Variants in XPO7 observed in about 807,000 individuals in gnomAD.
XPO7 encodes the protein exportin 7, also known as exportin-7.
Under a neutral mutation model 144.3 loss-of-function variants are expected in XPO7, and 21 were observed. The observed-to-expected ratio is 0.15, with a 90% CI of 0.10 to 0.21. The LOEUF (loss-of-function observed/expected upper bound fraction) is 0.21, where lower values mean the gene tolerates loss of function less well. XPO7 is among the 10% of genes least tolerant of loss of function. XPO7 has a pLI of 1.00. For synonymous variants in XPO7, 580 were observed against 499.6 expected (o/e 1.16, Z -2.15); for missense variants, 808 against 1,325.8 (o/e 0.61, Z 6.06).
At chr8:21,990,983 G>A in intron 18 of XPO7, 64 bp downstream of exon 18, 2 of 1,456,550 alleles carry the variant, frequency 1.4e-6, no homozygotes, top group Non-Finnish European at 9.6e-7. Context: ...TTTATTTGAG[G>A]ACTGAAAACT....
At chr8:21,936,074 CT>C (rs1264532483) in intron 1 of XPO7, among the ~76,000 whole-genome samples, 2 of 152,176 alleles carry the variant, frequency 1.3e-5, no homozygotes, top group African/African-American at 4.8e-5. Context: ...CTCTTACCAC[CT>C]ATCAGACAAT....
chr8:22,001,490 G>A (rs891776739), intron 24 of XPO7, among the ~76,000 whole-genome samples: 2 of 152,094 alleles, frequency 1.3e-5, no homozygotes, highest in African/African-American at 4.8e-5. Flanking sequence ...ACGCATAGAT[G>A]AGTCTGCAGC....
rs1563340884 is a variant in XPO7, at chr8:22,002,107, T to G, written c.2783-5T>G. On this transcript the variant is annotated splice_polypyrimidine_tract_variant and splice_region_variant and intron_variant, in intron 24 of 27. Transcript: ENST00000252512. ...CTGTCCTACCCCTGCCTTTCTTTCT[T>G]GCAGACACCATGGTATGCACAGGCT... The G allele has an allele frequency of 6.2e-7, 1 of 1,606,304 alleles. No individual in the cohort carries two copies. Among genetic ancestry groups the G allele is most frequent in the South Asian group, 1.1e-5 (1 of 89,444 alleles).
rs528483925 is a variant in XPO7 at position 21,947,996 on chromosome 8, G to C, written c.19-18861G>C. ...GCCCAGAGGAAGAAGGAGCACAGTG[G>C]ATTTGAAAACCAGAGAGACCAGAGG... On this transcript the variant is annotated intron_variant, in intron 1 of 27. Transcript: ENST00000252512. Among the ~76,000 whole-genome samples, 30 of 152,318 alleles carry C rather than the reference G, an allele frequency of 2.0e-4. 1 individual carries two copies. The highest frequency in any genetic ancestry group is 7.0e-4 in the African/African-American group (29 of 41,580).
intron 1 of XPO7, among the ~76,000 whole-genome samples, chr8:21,952,474 A>G (rs545991115): frequency 3.3e-5 from 5 of 152,346 alleles, no homozygotes; most frequent in African/African-American, 1.2e-4. Context: ...AAACTAAAGT[A>G]TACTTTGCTG....
chr8:21,997,090 G>A (rs1002567679), intron 21 of XPO7, among the ~76,000 whole-genome samples: 1 of 152,190 alleles, frequency 6.6e-6, no homozygotes, highest in African/African-American at 2.4e-5. Flanking sequence ...TTGCAGGCGT[G>A]AGCCACCAGG....
rs748825461 is a variant in XPO7 at position 22,005,409 on chromosome 8, G to T, written c.*321G>T. The T allele has an allele frequency of 9.2e-6, 2 of 216,322 alleles. No homozygotes were observed. Among genetic ancestry groups the T allele is most frequent in the Non-Finnish European group, 1.8e-5 (2 of 109,834 alleles). The allele number at this position is 216,322 out of a possible 1,614,324, so 13.4% of individuals were successfully genotyped here. On this transcript the variant is annotated 3_prime_UTR_variant, in exon 28 of 28. Coordinates refer to ENST00000252512, the MANE Select transcript of XPO7 (RefSeq NM_015024.5). ...CTAGTGTCCTGCCACAACCTGCCTTGTATAAACATGTACATTTTTTCATAA... is the reference window on the plus strand; with the variant it reads ...CTAGTGTCCTGCCACAACCTGCCTTTTATAAACATGTACATTTTTTCATAA...
intron 5 of XPO7, 117 bp from the exon 6 acceptor site, chr8:21,974,553 T>C (rs1812166979): frequency 1.5e-6 from 1 of 665,042 alleles, no homozygotes; most frequent in Non-Finnish European, 2.5e-6. Context: ...ATGTTAAAAA[T>C]GTATTTTATG....
rs561075118 is a variant in XPO7 at position 21,944,652 on chromosome 8, G to A, written c.19-22205G>A. On this transcript the variant is annotated intron_variant, in intron 1 of 27. Transcript: ENST00000252512. ...TATTGATCATTCTTGGATGTTTCTC[G>A]GAGAGGGGGATTTGGCAGGGTTATA... Among the ~76,000 whole-genome samples the A allele has an allele frequency of 1.0e-3, 156 of 152,008 alleles. 1 individual carries two copies. Among genetic ancestry groups the A allele is most frequent in the Middle Eastern group, 0.01 (3 of 294 alleles).
intron 1 of XPO7, among the ~76,000 whole-genome samples, chr8:21,943,817 G>A (rs1403030769): frequency 6.6e-6 from 1 of 152,140 alleles, no homozygotes; most frequent in African/African-American, 2.4e-5. Flanking sequence ...TAAACAAAGA[G>A]AAAAAGGCAG....
intron 1 of XPO7, among the ~76,000 whole-genome samples, chr8:21,930,207 G>T (rs1054271229): frequency 2.0e-5 from 3 of 152,156 alleles, no homozygotes; most frequent in Non-Finnish European, 4.4e-5. Flanking sequence ...TAACAGAATA[G>T]TATTGTTTAG....
At chr8:21,931,405 A>G (rs2117248925) in intron 1 of XPO7, among the ~76,000 whole-genome samples, 1 of 152,034 alleles carries the variant, frequency 6.6e-6, no homozygotes, top group South Asian at 2.1e-4. Flanking sequence ...TCAGCCTCCC[A>G]AATTGGTGGG....
rs750376035 is a variant in XPO7 at position 21,999,285 on chromosome 8, A to G, written c.2623A>G (p.Ile875Val). 55 of 1,612,896 alleles carry G rather than the reference A, an allele frequency of 3.4e-5. No homozygotes were observed. Among genetic ancestry groups the G allele is most frequent in the Middle Eastern group, 1.9e-4 (1 of 5,298 alleles). Residue 875 changes from isoleucine to valine, a missense_variant, in exon 23 of 28, where the codon ATT (isoleucine) becomes GTT (valine). Physicochemically the swap from Ile to Val is conservative, Grantham distance 29. Transcript: ENST00000252512. ...LQTFIKLLLS[I>V]PHSDLLDYPK... Reference sequence around the variant, plus strand: ...GACCTTCATCAAGCTGCTCCTCTCTATTCCTCACAGTGATCTCTTGGTAAG... The same window carrying G: ...GACCTTCATCAAGCTGCTCCTCTCTGTTCCTCACAGTGATCTCTTGGTAAG...
rs370909073 is a variant in XPO7, at chr8:21,991,992, C to A, written c.2148+18C>A. The A allele has an allele frequency of 1.9e-6, 3 of 1,597,096 alleles. No homozygotes were observed. Among genetic ancestry groups the A allele is most frequent in the Non-Finnish European group, 2.6e-6 (3 of 1,167,820 alleles). ...AGGCAAAGGTGAGTGAGTCTTTCAC[C>A]CAGTAATTAATCAGCTTCTGGTTTA... On this transcript the variant is annotated intron_variant, in intron 19 of 27. Coordinates refer to ENST00000252512, the MANE Select transcript of XPO7 (RefSeq NM_015024.5).
chr8:21,935,841 TCTC>T (rs1810803645), intron 1 of XPO7, among the ~76,000 whole-genome samples: 1 of 151,962 alleles, frequency 6.6e-6, no homozygotes, highest in South Asian at 2.1e-4. Context: ...TATCTTTCTC[TCTC>T]TCTCAATCTC....
chr8:21,921,328 TAAGTC>T (rs2117228417), intron 1 of XPO7: 1 of 152,300 alleles, frequency 6.6e-6, no homozygotes, highest in East Asian at 1.9e-4. Flanking sequence ...TTGGTTAAGG[TAAGTC>T]TAAGTGTCCC....
At chr8:21,937,475 G>A (rs1044172235) in intron 1 of XPO7, among the ~76,000 whole-genome samples, 6 of 152,172 alleles carry the variant, frequency 3.9e-5, no homozygotes, top group Non-Finnish European at 7.3e-5. Flanking sequence ...GTACTTTTCC[G>A]ACTGTGCTTG....
chr8:21,948,377 A>G (rs1362656617), intron 1 of XPO7, among the ~76,000 whole-genome samples: 2 of 152,246 alleles, frequency 1.3e-5, no homozygotes, highest in African/African-American at 4.8e-5. Context: ...TATTCAGTAC[A>G]GTAACGTGGT....
At chr8:21,941,767 C>CTAGGCT (rs1563314263) in intron 1 of XPO7, among the ~76,000 whole-genome samples, 1 of 152,194 alleles carries the variant, frequency 6.6e-6, no homozygotes, top group East Asian at 1.9e-4. Flanking sequence ...ACTCTATTTT[C>CTAGGCT]TAGGCTTAAG....
Sources: allele counts gnomAD v4.1 joint callset (sites outside exome capture counted in the v4.1 genomes callset), GRCh38; gene constraint gnomAD v4.1.1; transcripts MANE v1.5; gene names NCBI Gene and HGNC (gene_info 2026-07-23, HGNC 2026-07-21).